MS4A6A: variants seen among roughly 807,000 people sequenced by gnomAD.
The protein encoded by MS4A6A is membrane spanning 4-domains A6A, also known as membrane-spanning 4-domains subfamily A member 6A.
In MS4A6A, 19 loss-of-function variants were observed where a neutral mutation model predicts 20.6. The observed-to-expected ratio is 0.92, with a 90% CI of 0.64 to 1.36. The LOEUF (loss-of-function observed/expected upper bound fraction) is 1.36, where lower values mean the gene tolerates loss of function less well. Among genes scored for constraint, MS4A6A ranks in the 40% most tolerant of loss-of-function variants. The pLI is 0.00. For synonymous variants in MS4A6A, 108 were observed against 105.0 expected (o/e 1.03, Z -0.17); for missense variants, 272 against 261.1 (o/e 1.04, Z -0.29).
At chr11:60,179,672 G>C in intron 3 of MS4A6A, 159 bp downstream of exon 3, 1 of 768,614 alleles carries the variant, frequency 1.3e-6, no homozygotes, top group Non-Finnish European at 2.3e-6. Context: ...CTAAAATCAA[G>C]CAACCCCTGT....
chr11:60,172,491 T>C, downstream of MS4A6A: 2 of 1,232,224 alleles, frequency 1.6e-6, no homozygotes, highest in South Asian at 2.7e-5. Context: ...CATAAGTCCA[T>C]AGGGGTTTGA....
Position 60,183,007 on chromosome 11 carries a change from A to C in MS4A6A, c.-44T>G. 7.1e-7 allele frequency: 1 copy of C among 1,410,194 alleles called. No homozygotes were observed. Among genetic ancestry groups the C allele is most frequent in the Non-Finnish European group, 9.2e-7 (1 of 1,089,844 alleles). The allele number at this position is 1,410,194 out of a possible 1,614,324, so 87.4% of individuals were successfully genotyped here. A position where few individuals can be genotyped will look rare whatever the true frequency, so the allele number is the denominator to read the frequency against. On this transcript the variant is annotated 5_prime_UTR_variant, in exon 1 of 6. Coordinates refer to ENST00000528851, the MANE Select transcript of MS4A6A (RefSeq NM_022349.4). ...GCCCGTTGGTTCCAGCTGAGTCCTCAGAAGCTCCAAAGAGGTTTTAACTCT... is the reference window on the plus strand; with the variant it reads ...GCCCGTTGGTTCCAGCTGAGTCCTCCGAAGCTCCAAAGAGGTTTTAACTCT...
chr11:60,174,405 C>A (rs965463137), intron 5 of MS4A6A, among the ~76,000 whole-genome samples: 1 of 150,838 alleles, frequency 6.6e-6, no homozygotes, highest in Admixed American at 6.6e-5. Context: ...CTCACTGCAA[C>A]CTCCGCCACC....
upstream of MS4A6A, chr11:60,183,612 T>TCA (rs2083844408): frequency 6.5e-6 from 1 of 153,120 alleles, no homozygotes; most frequent in Non-Finnish European, 1.5e-5. Context: ...AAATTGTTTT[T>TCA]TATATATATA....
chr11:60,181,918 C>T (rs1857157718), intron 1 of MS4A6A, among the ~76,000 whole-genome samples, 177 bp from the exon 2 acceptor site: 1 of 152,094 alleles, frequency 6.6e-6, no homozygotes, highest in South Asian at 2.1e-4. Context: ...AGGATTTTTC[C>T]ATAATGTTTG....
chr11:60,171,922 C>G, downstream of MS4A6A: 1 of 337,966 alleles, frequency 3.0e-6, no homozygotes, highest in Non-Finnish European at 5.4e-6. Context: ...GACTATTTGG[C>G]TAATCTAGTA....
Position 60,183,083 on chromosome 11 carries a change from C to A in MS4A6A, c.-120G>T. 1 of 1,510,486 alleles carries A rather than the reference C, an allele frequency of 6.6e-7. No homozygotes were observed. The highest frequency in any genetic ancestry group is 1.3e-5 in the South Asian group (1 of 79,348). 93.6% of individuals were successfully genotyped at this position (1,510,486 alleles called of 1,614,324 possible). On this transcript the variant is annotated 5_prime_UTR_variant, in exon 1 of 6. Transcript: ENST00000528851. ...CTACTTACCTTCATCTTCTGAAAGT[C>A]ATCAGCCCTTCCTTATTCCAGTGTT...
chr11:60,176,679 C>T (rs1312792044), intron 4 of MS4A6A, among the ~76,000 whole-genome samples: 1 of 152,154 alleles, frequency 6.6e-6, no homozygotes, highest in African/African-American at 2.4e-5. Context: ...CTGAAGTGTA[C>T]ACTCCTGGGC....
At chr11:60,183,564 T>G (rs911392348), upstream of MS4A6A, among the ~76,000 whole-genome samples, 3 of 152,170 alleles carry the variant, frequency 2.0e-5, no homozygotes, top group African/African-American at 7.2e-5. Flanking sequence ...CATTAATATA[T>G]AGCTAATAGT....
chr11:60,178,674 A>G, intron 3 of MS4A6A: 1 of 289,480 alleles, frequency 3.5e-6, no homozygotes, highest in East Asian at 1.1e-4. Context: ...AAAAGTAGTA[A>G]TTTTACAGAG....
At chr11:60,172,157 C>T (rs1289090354), downstream of MS4A6A, 3 of 1,602,738 alleles carry the variant, frequency 1.9e-6, no homozygotes, top group Admixed American at 5.2e-5. Context: ...TCCCTTTTTT[C>T]TTAAGAAGTC....
chr11:60,172,713 C>T lies in MS4A6A; in HGVS notation c.*288G>A. On this transcript the variant is annotated 3_prime_UTR_variant, in exon 6 of 6. Coordinates refer to ENST00000528851, the MANE Select transcript of MS4A6A (RefSeq NM_022349.4). The stretch of plus-strand genomic sequence containing the variant: ...CAGGTTCTAGTGTCCTCAGCAAAGG[C>T]ACAAACTCATAGCATAATGCCAGGC... 2 of 1,223,052 alleles carry T rather than the reference C, an allele frequency of 1.6e-6. No individual in the cohort carries two copies. The highest frequency in any genetic ancestry group is 2.1e-6 in the Non-Finnish European group (2 of 966,888). The allele number at this position is 1,223,052 out of a possible 1,614,324, so 75.8% of individuals were successfully genotyped here. A position where few individuals can be genotyped will look rare whatever the true frequency, so the allele number is the denominator to read the frequency against.
chr11:60,183,023 T>A lies in MS4A6A; in HGVS notation c.-60A>T, dbSNP rs2083819608. On this transcript the variant is annotated 5_prime_UTR_variant, in exon 1 of 6. Transcript: ENST00000528851. ...TGAGTCCTCAGAAGCTCCAAAGAGGTTTTAACTCTGGTTTCTCAGTCCCAT... is the reference window on the plus strand; with the variant it reads ...TGAGTCCTCAGAAGCTCCAAAGAGGATTTAACTCTGGTTTCTCAGTCCCAT... The A allele has an allele frequency of 1.2e-5, 17 of 1,423,508 alleles. No individual in the cohort carries two copies. The highest frequency in any genetic ancestry group is 1.6e-5 in the Non-Finnish European group (17 of 1,096,366). 88.2% of individuals were successfully genotyped at this position (1,423,508 alleles called of 1,614,324 possible).
rs370469349 is a variant in MS4A6A at position 60,175,424 on chromosome 11, T to C, written c.527A>G (p.Tyr176Cys). The C allele has an allele frequency of 7.6e-5, 123 of 1,613,934 alleles. No individual in the cohort carries two copies. The highest frequency in any genetic ancestry group is 1.0e-4 in the Non-Finnish European group (120 of 1,179,946). The change falls in exon 5 of 6, where the codon TAT (tyrosine) becomes TGT (cysteine). Residue 176 changes from tyrosine to cysteine, a missense_variant. Transcript: ENST00000528851. The stretch of plus-strand genomic sequence containing the variant: ...TACAGCCAGACTGGCTTTGGCTGTA[T>C]AGCAGTCCGTGGTATAAAGTGAATC... Reference protein sequence around the residue: ...YHDSLYTTDCYTAKASLAGTL... With the variant: ...YHDSLYTTDCCTAKASLAGTL...
intron 2 of MS4A6A, 125 bp downstream of exon 2, chr11:60,181,456 C>T (rs535057604): frequency 4.1e-6 from 5 of 1,207,228 alleles, no homozygotes; most frequent in Non-Finnish European, 5.8e-6. Context: ...GTGGCTTCTA[C>T]CCTAAAGTCC....
In MS4A6A at chr11:60,175,597, C is replaced by T; in HGVS notation, c.354G>A (p.Leu118=). The part of the protein sequence containing the change: ...RLTKLLVHSS[L]VGSILSALSA... ...ACAGAGCACTCAGAATGCTTCCAAC[C>T]AGGCTGCTATGCACCTGAAAGAGAA... is the stretch of plus-strand genomic sequence containing the variant. Residue 118 remains leucine, a synonymous_variant, in exon 5 of 6, where the codon CTG becomes CTA. Transcript: ENST00000528851. 6.2e-7 allele frequency: 1 copy of T among 1,613,452 alleles called. No individual in the cohort carries two copies.
Position 60,173,098 on chromosome 11 carries a change from A to G in MS4A6A, c.581T>C (p.Leu194Pro), listed in dbSNP as rs1243423575. ...GTLSLMLICTLLEFCLAVLTA... is the reference protein window; with the variant it reads ...GTLSLMLICTPLEFCLAVLTA... ...GAGCACAGCTAGGCAGAATTCCAGC[A>G]GAGTGCAAATCAGCATCAGAGAGAG... is the stretch of plus-strand genomic sequence containing the variant. The change falls in exon 6 of 6, where the codon CTG (leucine) becomes CCG (proline). Residue 194 changes from leucine (L) to proline (P), a missense_variant. Transcript: ENST00000528851. The G allele has an allele frequency of 1.2e-6, 2 of 1,614,026 alleles. No individual in the cohort carries two copies. The highest frequency in any genetic ancestry group is 1.1e-5 in the South Asian group (1 of 91,090).
rs1159524613 is a variant in MS4A6A at position 60,172,575 on chromosome 11, A to G, written c.*426T>C. The G allele has an allele frequency of 5.3e-6, 6 of 1,133,228 alleles. No individual in the cohort carries two copies. The highest frequency in any genetic ancestry group is 1.6e-5 in the African/African-American group (1 of 63,384). The allele number at this position is 1,133,228 out of a possible 1,614,324, so 70.2% of individuals were successfully genotyped here. A position where few individuals can be genotyped will look rare whatever the true frequency, so the allele number is the denominator to read the frequency against. On this transcript the variant is annotated 3_prime_UTR_variant, in exon 6 of 6. Transcript: ENST00000528851. ...AGATCACCAGGGGCAAATGCAGAGC[A>G]TAAGACATTCACTGGATCCAGTTAC...
intron 4 of MS4A6A, among the ~76,000 whole-genome samples, chr11:60,176,613 T>C (rs1190092602): frequency 6.6e-6 from 1 of 152,180 alleles, no homozygotes; most frequent in African/African-American, 2.4e-5. Context: ...TGGGCACTTC[T>C]TCTTTTAGGA....
Sources: gnomAD v4.1 joint callset for allele counts (sites outside exome capture counted in the v4.1 genomes callset) on GRCh38, gnomAD v4.1.1 for gene constraint, MANE v1.5 for transcripts, NCBI Gene and HGNC (gene_info 2026-07-23, HGNC 2026-07-21) for gene names.